The following TAS2R1 variants were observed in gnomAD, a reference collection of about 807,000 sequenced individuals.
TAS2R1 encodes taste receptor type 2 member 1.
For missense variants in TAS2R1, 370 were observed against 353.4 expected (o/e 1.05, Z -0.38); for synonymous variants, 141 against 134.2 (o/e 1.05, Z -0.35).
the TAS2R1 span, among the ~76,000 whole-genome samples, chr5:9,839,635 C>G: frequency 2.0e-5 from 3 of 152,104 alleles, no homozygotes; most frequent in African/African-American, 2.4e-5. Flanking sequence ...TCACAGCTGT[C>G]AATAAAGAAT....
chr5:9,874,640 T>A, the TAS2R1 span, among the ~76,000 whole-genome samples: 12 of 152,156 alleles, frequency 7.9e-5, no homozygotes, highest in Admixed American at 4.6e-4. Flanking sequence ...GATCCATAGT[T>A]TTAGTATGAC....
At chr5:9,809,367 T>A in the TAS2R1 span, among the ~76,000 whole-genome samples, 1 of 152,164 alleles carries the variant, frequency 6.6e-6, no homozygotes. Flanking sequence ...AGGCTGAACT[T>A]CCAATGTGAT....
At chr5:9,784,559 G>T in the TAS2R1 span, among the ~76,000 whole-genome samples, 1 of 152,210 alleles carries the variant, frequency 6.6e-6, no homozygotes, top group Non-Finnish European at 1.5e-5. Context: ...AGGTCTCATC[G>T]TCAAACCGCC....
chr5:9,875,134 A>T, the TAS2R1 span, among the ~76,000 whole-genome samples: 1 of 152,188 alleles, frequency 6.6e-6, no homozygotes, highest in East Asian at 1.9e-4. Flanking sequence ...TCTCAAAATT[A>T]GGAGGCAGCT....
intron 2 of TAS2R1, among the ~76,000 whole-genome samples, chr5:9,643,640 C>T (rs1740129137): frequency 6.6e-6 from 1 of 152,134 alleles, no homozygotes; most frequent in South Asian, 2.1e-4. Flanking sequence ...ATGTCACTAG[C>T]TGATAGGAAT....
the TAS2R1 span, among the ~76,000 whole-genome samples, chr5:9,767,652 G>T: frequency 5.8e-4 from 88 of 152,198 alleles, no homozygotes; most frequent in African/African-American, 1.9e-3. Context: ...AGATCAGGTG[G>T]GGCGTGGTGT....
chr5:9,695,700 A>T (rs1741342557), intron 1 of TAS2R1, among the ~76,000 whole-genome samples: 1 of 152,142 alleles, frequency 6.6e-6, no homozygotes, highest in South Asian at 2.1e-4. Context: ...ACCACAACCA[A>T]ACACTGAGAA....
At chr5:9,685,713 G>C (rs1463280073) in intron 1 of TAS2R1, among the ~76,000 whole-genome samples, 3 of 152,156 alleles carry the variant, frequency 2.0e-5, no homozygotes, top group African/African-American at 7.2e-5. Flanking sequence ...CCAGTGTATG[G>C]CACACTATAT....
chr5:9,754,602 C>A, the TAS2R1 span, among the ~76,000 whole-genome samples: 1 of 152,028 alleles, frequency 6.6e-6, no homozygotes, highest in African/African-American at 2.4e-5. Flanking sequence ...TCTTATACAT[C>A]AATAACAGAG....
the TAS2R1 span, among the ~76,000 whole-genome samples, chr5:9,771,558 C>T: frequency 1.3e-5 from 2 of 151,976 alleles, no homozygotes; most frequent in South Asian, 2.1e-4. Context: ...TTCTTTCCTC[C>T]TCTTTTTTCA....
chr5:9,888,398 G>GC, the TAS2R1 span, among the ~76,000 whole-genome samples: 2 of 152,134 alleles, frequency 1.3e-5, no homozygotes, highest in African/African-American at 4.8e-5. Context: ...CTTCCCCAAA[G>GC]CCCCAAAGAC....
the TAS2R1 span, among the ~76,000 whole-genome samples, chr5:9,834,111 C>G: frequency 1.3e-5 from 2 of 152,178 alleles, no homozygotes; most frequent in Non-Finnish European, 2.9e-5. Flanking sequence ...CCTGGAAGAG[C>G]GTAAGGTCCC....
intron 2 of TAS2R1, among the ~76,000 whole-genome samples, chr5:9,643,183 A>G (rs1023643609): frequency 2.6e-5 from 4 of 152,162 alleles, no homozygotes; most frequent in African/African-American, 9.7e-5. Context: ...TAAGAAAGTA[A>G]TCGATAGACA....
chr5:9,788,043 C>T, the TAS2R1 span, among the ~76,000 whole-genome samples: 1 of 152,170 alleles, frequency 6.6e-6, no homozygotes, highest in African/African-American at 2.4e-5. Flanking sequence ...AACAGCCGCA[C>T]AAAGTGAGGT....
chr5:9,839,919 C>A, the TAS2R1 span, among the ~76,000 whole-genome samples: 2 of 152,124 alleles, frequency 1.3e-5, no homozygotes, highest in East Asian at 3.8e-4. Context: ...GGAAAGGAAA[C>A]TTCTAGCCCC....
At chr5:9,892,154 C>A in the TAS2R1 span, among the ~76,000 whole-genome samples, 1 of 152,150 alleles carries the variant, frequency 6.6e-6, no homozygotes, top group East Asian at 1.9e-4. Context: ...GGTTTTATTT[C>A]TTTACTTTTT....
chr5:9,630,018 G>T lies in TAS2R1; in HGVS notation c.15C>A (p.His5Gln), dbSNP rs775799584. MLESHLIIYFLLAVI... is the reference protein window; with the variant it reads MLESQLIIYFLLAVI... ...CTGCAAGAAGAAAATAGATAATGAG[G>T]TGAGACTCTAGCATTTTAGGAATAA... Residue 5 changes from histidine (H) to glutamine (Q), a missense_variant, in exon 1 of 1, where the codon CAC becomes CAA. Transcript: ENST00000382492. 6.4e-7 allele frequency: 1 copy of T among 1,565,658 alleles called. No individual in the cohort carries two copies. The highest frequency in any genetic ancestry group is 8.6e-7 in the Non-Finnish European group (1 of 1,161,200).
chr5:9,689,558 A>T (rs1741194249), intron 1 of TAS2R1, among the ~76,000 whole-genome samples: 1 of 152,104 alleles, frequency 6.6e-6, no homozygotes, highest in African/African-American at 2.4e-5. Flanking sequence ...CAGTTGGAAA[A>T]TTCATATCAT....
the TAS2R1 span, among the ~76,000 whole-genome samples, chr5:9,754,509 CT>C: frequency 6.6e-6 from 1 of 152,332 alleles, no homozygotes; most frequent in Non-Finnish European, 1.5e-5. Context: ...ACCCCATCGT[CT>C]TAGCCCAAAG....
Sources: allele counts gnomAD v4.1 joint callset (sites outside exome capture counted in the v4.1 genomes callset), GRCh38; gene constraint gnomAD v4.1.1; transcripts MANE v1.5; gene names NCBI Gene and HGNC (gene_info 2026-07-23, HGNC 2026-07-21).